CACNA2D4: variants seen among roughly 807,000 people sequenced by gnomAD.
CACNA2D4 encodes the protein voltage-dependent calcium channel subunit alpha-2/delta-4.
CACNA2D4 carries 157 observed loss-of-function variants against 163.8 expected under a neutral mutation model. That is an observed-to-expected ratio of 0.96 (90% CI 0.84 to 1.09). The LOEUF (loss-of-function observed/expected upper bound fraction) is 1.09, where lower values mean the gene tolerates loss of function less well. Among genes scored for constraint, CACNA2D4 ranks in the 50% least tolerant of loss-of-function variants. The pLI is 0.00. For synonymous variants in CACNA2D4, 598 were observed against 586.9 expected (o/e 1.02, Z -0.27); for missense variants, 1,410 against 1,479.9 (o/e 0.95, Z 0.78).
At chr12:1,819,918 TGGTCAGACCCTGA>T (rs1338654241) in intron 26 of CACNA2D4, among the ~76,000 whole-genome samples, 1 of 152,150 alleles carries the variant, frequency 6.6e-6, no homozygotes, top group Non-Finnish European at 1.5e-5. Context: ...TGGCGTCGGG[TGGTCAGACCCTGA>T]GGCTCAGTGA....
At chr12:1,884,941 G>C (rs371524846) in intron 10 of CACNA2D4, 46 bp downstream of exon 10, 7 of 1,598,308 alleles carry the variant, frequency 4.4e-6, no homozygotes, top group Admixed American at 3.3e-5. Context: ...TCCACCTGCC[G>C]CCTTCCTCCC....
intron 35 of CACNA2D4, among the ~76,000 whole-genome samples, chr12:1,796,864 C>T (rs2154445056): frequency 6.6e-6 from 1 of 152,346 alleles, no homozygotes; most frequent in Middle Eastern, 3.4e-3. Flanking sequence ...GCCTCCCTGC[C>T]TCCCCGGGGC....
intron 25 of CACNA2D4, among the ~76,000 whole-genome samples, chr12:1,842,241 G>C (rs1481244952): frequency 6.6e-6 from 1 of 152,156 alleles, no homozygotes; most frequent in Non-Finnish European, 1.5e-5. Flanking sequence ...GGAGAGGTGG[G>C]CTGTGGGCAT....
At chr12:1,886,068 G>A in intron 8 of CACNA2D4, 29 bp from the exon 9 acceptor site, 1 of 1,580,180 alleles carries the variant, frequency 6.3e-7, no homozygotes, top group Non-Finnish European at 8.7e-7. Flanking sequence ...GAGGGGAGGT[G>A]GGGGGAGAAT....
chr12:1,835,003 G>A, intron 26 of CACNA2D4: 2 of 476,488 alleles, frequency 4.2e-6, no homozygotes, highest in Non-Finnish European at 7.2e-6. Context: ...GCAAGGAGGT[G>A]TGTGCAAGAG....
chr12:1,874,449 A>G lies in CACNA2D4; in HGVS notation c.1878+155T>C, dbSNP rs2154449249. On this transcript the variant is annotated intron_variant, in intron 18 of 37. Transcript: ENST00000382722. This position sits in a 1 kb window ranked among gnomAD's most constrained non-coding sequence, Gnocchi z 4.4. ...CTAGGTGTTTCTCCAGGGCCAATGC[A>G]CCCTGCGTATACTCCCTAATGGACC... 6.6e-6 allele frequency among the ~76,000 whole-genome samples: 1 copy of G among 152,242 alleles called. No individual in the cohort carries two copies. Among genetic ancestry groups the G allele is most frequent in the East Asian group, 1.9e-4 (1 of 5,180 alleles).
rs768103442 is a variant in CACNA2D4 at position 1,884,979 on chromosome 12, G to A, written c.1158+8C>T. 2 of 1,612,996 alleles carry A rather than the reference G, an allele frequency of 1.2e-6. No homozygotes were observed. The highest frequency in any genetic ancestry group is 1.7e-6 in the Non-Finnish European group (2 of 1,179,034). On this transcript the variant is annotated splice_region_variant and intron_variant, in intron 10 of 37. Transcript: ENST00000382722. ...TCCTCCCCTCCCAGGCCTCATTACA[G>A]TGGGCACCTGCTTCAGGATCTGGAA...
Position 1,792,268 on chromosome 12 carries a change from C to T in CACNA2D4, c.*1387G>A, listed in dbSNP as rs13219. 66,435 of 152,188 alleles carry T rather than the reference C, an allele frequency of 0.44. 16,613 individuals carry two copies. The highest frequency in any genetic ancestry group is 0.56 in the Non-Finnish European group (38,340 of 67,988). 9.4% of individuals were successfully genotyped at this position (152,188 alleles called of 1,614,324 possible). A position where few individuals can be genotyped will look rare whatever the true frequency, so the allele number is the denominator to read the frequency against. ...CTGCTGTAAGGGGGCATTAATACTG[C>T]CCTCACAGGGTTGTTGCAAGACATG... is the stretch of plus-strand genomic sequence containing the variant. On this transcript the variant is annotated 3_prime_UTR_variant, in exon 38 of 38. Transcript: ENST00000382722.
rs1171048441 is a variant in CACNA2D4, at chr12:1,793,583, A to G, written c.*72T>C. 3.7e-6 allele frequency: 5 copies of G among 1,350,418 alleles called. No individual in the cohort carries two copies. Among genetic ancestry groups the G allele is most frequent in the Non-Finnish European group, 5.3e-6 (5 of 942,374 alleles). 83.7% of individuals were successfully genotyped at this position (1,350,418 alleles called of 1,614,324 possible). A position where few individuals can be genotyped will look rare whatever the true frequency, so the allele number is the denominator to read the frequency against. On this transcript the variant is annotated 3_prime_UTR_variant, in exon 38 of 38. Transcript: ENST00000382722. ...ACCCAACTGCAGTTAGCTGCATCCC[A>G]TGTCAGTGCTGACTTTTTGGGATGG...
intron 36 of CACNA2D4, 108 bp downstream of exon 36, chr12:1,795,560 G>GAC (rs3078853): frequency 0.93 from 833,808 of 898,468 alleles, 389,254 homozygotes; most frequent in Non-Finnish European, 0.96. Flanking sequence ...CCCTGTGGAG[G>GAC]ACACGGGCGG....
At chr12:1,855,393 G>C (rs573385574) in intron 22 of CACNA2D4, among the ~76,000 whole-genome samples, 19 of 152,328 alleles carry the variant, frequency 1.2e-4, no homozygotes, top group Middle Eastern at 3.4e-3. Context: ...CAAAGAGGAA[G>C]AAGGAGGAGC....
intron 6 of CACNA2D4, among the ~76,000 whole-genome samples, chr12:1,896,686 A>G (rs1241364023): frequency 6.6e-6 from 1 of 152,048 alleles, no homozygotes; most frequent in African/African-American, 2.4e-5. Flanking sequence ...GCAGAGAAAA[A>G]GAAACTCATA....
rs770319485 is a variant in CACNA2D4, at chr12:1,844,527, T to G, written c.2345A>C (p.Lys782Thr). The change falls in exon 25 of 38, where the codon AAG becomes ACG. Residue 782 changes from lysine to threonine, a missense_variant and splice_region_variant. Transcript: ENST00000382722. This position sits in a 1 kb window ranked among gnomAD's most constrained non-coding sequence, Gnocchi z 4.2. The stretch of plus-strand genomic sequence containing the variant: ...GGCCTCGTCCTCAGGTGTCAGGAAC[T>G]TCCTGCAAGGAGGAAGATGTGGTAC... ...FVGSEKVSDR[K>T]FLTPEDEASV... is the part of the protein sequence containing the mutation. 1 of 1,612,290 alleles carries G rather than the reference T, an allele frequency of 6.2e-7. No homozygotes were observed. Among genetic ancestry groups the G allele is most frequent in the Non-Finnish European group, 8.5e-7 (1 of 1,178,992 alleles).
chr12:1,858,615 C>T lies in CACNA2D4; in HGVS notation c.1970G>A (p.Gly657Glu). Residue 657 changes from glycine to glutamate, a missense_variant, in exon 20 of 38, where the codon GGA becomes GAA. Gly to Glu is a moderately conservative substitution (Grantham distance 98). Coordinates refer to ENST00000382722, the MANE Select transcript of CACNA2D4 (RefSeq NM_172364.5). ...SLGVVLSRGH[G>E]EYILLGNTSV... is the part of the protein sequence containing the mutation. ...CGTGTTCCCCAGAAGGATGTATTCT[C>T]CGTGGCCCCGGGACAGCACCACCCC... is the stretch of plus-strand genomic sequence containing the variant. The T allele has an allele frequency of 6.2e-7, 1 of 1,611,830 alleles. No homozygotes were observed. The highest frequency in any genetic ancestry group is 2.2e-5 in the East Asian group (1 of 44,724).
chr12:1,804,551 C>T (rs1266116587), intron 29 of CACNA2D4, among the ~76,000 whole-genome samples: 4 of 152,240 alleles, frequency 2.6e-5, no homozygotes, highest in Admixed American at 2.6e-4. Flanking sequence ...GGATTTGTCA[C>T]TCTGGCAGAA....
At chr12:1,797,142 C>G (rs1243494601) in intron 35 of CACNA2D4, among the ~76,000 whole-genome samples, 1 of 152,192 alleles carries the variant, frequency 6.6e-6, no homozygotes, top group Non-Finnish European at 1.5e-5. Context: ...GGGGTGGGCT[C>G]GACACACAGG....
intron 6 of CACNA2D4, among the ~76,000 whole-genome samples, chr12:1,903,870 T>C (rs1866595439): frequency 6.6e-6 from 1 of 152,060 alleles, no homozygotes; most frequent in African/African-American, 2.4e-5. Context: ...CACTGCTAGG[T>C]ATCTACCTAA....
chr12:1,863,666 T>A (rs942543819), intron 18 of CACNA2D4, among the ~76,000 whole-genome samples: 1 of 152,236 alleles, frequency 6.6e-6, no homozygotes, highest in Non-Finnish European at 1.5e-5. Context: ...AAGTATTTTA[T>A]GTTATTTGAT....
chr12:1,831,191 C>G (rs371580908), intron 26 of CACNA2D4: 12 of 1,613,766 alleles, frequency 7.4e-6, no homozygotes, highest in Non-Finnish European at 1.0e-5. Flanking sequence ...ACCGGCTGCC[C>G]CGCTCCATTT....
Sources: allele counts gnomAD v4.1 joint callset (sites outside exome capture counted in the v4.1 genomes callset), GRCh38; gene constraint gnomAD v4.1.1; non-coding constraint Gnocchi (gnomAD v3.1); transcripts MANE v1.5; gene names NCBI Gene and HGNC (gene_info 2026-07-23, HGNC 2026-07-21).